The following ABI3BP variants were observed in gnomAD, a reference collection of about 807,000 sequenced individuals.
ABI3BP encodes target of Nesh-SH3.
Under a neutral mutation model 268.6 loss-of-function variants are expected in ABI3BP, and 216 were observed. That is an observed-to-expected ratio of 0.80 (90% CI 0.72 to 0.90). The LOEUF (loss-of-function observed/expected upper bound fraction) is 0.90, where lower values mean the gene tolerates loss of function less well. ABI3BP is among the 40% of genes least tolerant of loss of function. The pLI is 0.00. For synonymous variants in ABI3BP, 730 were observed against 730.0 expected (o/e 1.00, Z 0.00); for missense variants, 2,090 against 2,182.4 (o/e 0.96, Z 0.84).
chr3:100,845,853 T>A (rs1316123749), intron 20 of ABI3BP, among the ~76,000 whole-genome samples: 1 of 151,994 alleles, frequency 6.6e-6, no homozygotes, highest in African/African-American at 2.4e-5. Flanking sequence ...GCCTTTTTTT[T>A]TTTTTTTAAA....
chr3:100,921,490 G>A (rs890739220), intron 2 of ABI3BP, among the ~76,000 whole-genome samples: 7 of 151,684 alleles, frequency 4.6e-5, no homozygotes, highest in African/African-American at 1.7e-4. Context: ...ATGTTAACCA[G>A]GAGTGAGAAC....
chr3:100,817,789 T>C (rs2098103020), intron 41 of ABI3BP, among the ~76,000 whole-genome samples: 1 of 152,234 alleles, frequency 6.6e-6, no homozygotes. Context: ...AATATATGCT[T>C]TTCTAACTGT....
chr3:100,834,896 A>C (rs920784275), intron 28 of ABI3BP, 123 bp from the exon 29 acceptor site: 1 of 892,674 alleles, frequency 1.1e-6, no homozygotes. Context: ...TTGGTTTAGA[A>C]TTTTCTTCTG....
At chr3:100,925,743 A>T (rs188504044) in intron 2 of ABI3BP, among the ~76,000 whole-genome samples, 1 of 152,092 alleles carries the variant, frequency 6.6e-6, no homozygotes, top group Non-Finnish European at 1.5e-5. Context: ...AAATGGTTTT[A>T]TTTGCAAATA....
chr3:100,984,286 T>C (rs2090867075), intron 1 of ABI3BP, among the ~76,000 whole-genome samples: 2 of 152,224 alleles, frequency 1.3e-5, no homozygotes, highest in African/African-American at 4.8e-5. Context: ...TATTGGGATA[T>C]ACATTATAGT....
chr3:100,973,853 C>T (rs1312042006), intron 1 of ABI3BP, among the ~76,000 whole-genome samples: 3 of 152,014 alleles, frequency 2.0e-5, no homozygotes, highest in African/African-American at 7.2e-5. Context: ...TTGAAAGTTC[C>T]CTCTGTGCCA....
intron 23 of ABI3BP, 22 bp downstream of exon 23, chr3:100,840,050 G>A (rs2098667924): frequency 6.7e-7 from 1 of 1,488,206 alleles, no homozygotes; most frequent in Non-Finnish European, 9.0e-7. Flanking sequence ...TATGTTAATT[G>A]GAACCTGAAT....
chr3:100,935,588 T>C (rs1003882433), intron 1 of ABI3BP, among the ~76,000 whole-genome samples: 17 of 152,042 alleles, frequency 1.1e-4, no homozygotes, highest in African/African-American at 3.6e-4. Flanking sequence ...ATTTTCACGA[T>C]ATTGATTCTT....
intron 1 of ABI3BP, among the ~76,000 whole-genome samples, chr3:100,964,924 T>C (rs946931876): frequency 6.6e-6 from 1 of 152,214 alleles, no homozygotes; most frequent in African/African-American, 2.4e-5. Flanking sequence ...CACTGGAAAA[T>C]ATCTGAAGAG....
At chr3:100,810,255 G>A (rs1388772806) in intron 49 of ABI3BP, among the ~76,000 whole-genome samples, 157 bp downstream of exon 49, 1 of 152,086 alleles carries the variant, frequency 6.6e-6, no homozygotes, top group Non-Finnish European at 1.5e-5. Context: ...TGCCATTTGA[G>A]TAATTACCAA....
intron 2 of ABI3BP, among the ~76,000 whole-genome samples, chr3:100,903,292 T>C (rs1178169120): frequency 6.6e-6 from 1 of 152,218 alleles, no homozygotes; most frequent in Non-Finnish European, 1.5e-5. Flanking sequence ...GAAATGTACA[T>C]AGGGAATCTC....
At chr3:100,780,715 G>A (rs2096841926) in intron 57 of ABI3BP, among the ~76,000 whole-genome samples, 2 of 152,096 alleles carry the variant, frequency 1.3e-5, no homozygotes, top group Non-Finnish European at 2.9e-5. Flanking sequence ...AGGCTATTGA[G>A]ACCACAAATG....
intron 20 of ABI3BP, among the ~76,000 whole-genome samples, chr3:100,844,675 G>A (rs572836932): frequency 2.0e-5 from 3 of 152,270 alleles, no homozygotes; most frequent in South Asian, 2.1e-4. Flanking sequence ...AATGGTTTGC[G>A]GAGATCCAGT....
rs1161914264 is a variant in ABI3BP at position 100,829,567 on chromosome 3, A to C, written c.2542+14T>G. 1 of 1,532,716 alleles carries C rather than the reference A, an allele frequency of 6.5e-7. No homozygotes were observed. 94.9% of individuals were successfully genotyped at this position (1,532,716 alleles called of 1,614,324 possible). A position where few individuals can be genotyped will look rare whatever the true frequency, so the allele number is the denominator to read the frequency against. ...GGGCTGTTAGGATTCCTCAAGCATG[A>C]CCTACAAATTTACCCAGTTCAGTCT... On this transcript the variant is annotated intron_variant, in intron 33 of 67. Coordinates refer to ENST00000471714, the MANE Select transcript of ABI3BP (RefSeq NM_001375547.2).
Position 100,816,701 on chromosome 3 carries a change from A to G in ABI3BP, c.3216T>C (p.Pro1072=), listed in dbSNP as rs1309201703. Residue 1072 remains proline (P), a synonymous_variant, in exon 43 of 68, where the codon CCT becomes CCC. Transcript: ENST00000471714. Reference sequence around the variant, plus strand: ...TCATACATTTACCCGATTTGTTCTGAGGTACTTCAGGACTTGATGTAGTTT... The same window carrying G: ...TCATACATTTACCCGATTTGTTCTGGGGTACTTCAGGACTTGATGTAGTTT... ...RPKTTSSPEV[P]QNKSVSVTGF... 1 of 1,535,786 alleles carries G rather than the reference A, an allele frequency of 6.5e-7. No individual in the cohort carries two copies.
chr3:100,823,575 A>C, intron 36 of ABI3BP, 61 bp from the exon 37 acceptor site: 1 of 1,313,414 alleles, frequency 7.6e-7, no homozygotes, highest in Non-Finnish European at 1.0e-6. Context: ...TAGAACACTC[A>C]CATGCAAACA....
At chr3:100,946,807 A>G (rs886164147) in intron 1 of ABI3BP, among the ~76,000 whole-genome samples, 16 of 152,048 alleles carry the variant, frequency 1.1e-4, no homozygotes, top group African/African-American at 3.9e-4. Flanking sequence ...AAAAAAAGAA[A>G]AGAAATGAGT....
Position 100,864,819 on chromosome 3 carries a change from G to T in ABI3BP, c.1063+14C>A. 1 of 1,550,252 alleles carries T rather than the reference G, an allele frequency of 6.5e-7. No homozygotes were observed. Among genetic ancestry groups the T allele is most frequent in the Non-Finnish European group, 8.7e-7 (1 of 1,144,650 alleles). ...TTTTGTTTTTTTAGAAAAAAAAAAA[G>T]TTCTTAGAATTACCCAGTGTTGTTT... On this transcript the variant is annotated intron_variant, in intron 11 of 67. Transcript: ENST00000471714.
chr3:100,882,461 T>TA (rs369028289), intron 6 of ABI3BP, among the ~76,000 whole-genome samples: 34 of 112,590 alleles, frequency 3.0e-4, no homozygotes, highest in African/African-American at 9.3e-4. Flanking sequence ...TATATATATA[T>TA]TTTTTTTGCT....
Sources: allele counts gnomAD v4.1 joint callset (sites outside exome capture counted in the v4.1 genomes callset), GRCh38; gene constraint gnomAD v4.1.1; transcripts MANE v1.5; gene names NCBI Gene and HGNC (gene_info 2026-07-23, HGNC 2026-07-21).